Variants in KCNN2 observed in about 807,000 individuals in gnomAD.
KCNN2 encodes the protein small conductance calcium-activated potassium channel protein 2.
A neutral mutation model predicts 55.5 loss-of-function variants in KCNN2; 24 were observed. That is an observed-to-expected ratio of 0.43 (90% CI 0.31 to 0.61). The LOEUF is 0.61. KCNN2 is among the 20% of genes least tolerant of loss of function. The probability of loss-of-function intolerance (pLI) is 0.08; values close to 1 mark genes in which losing one functional copy is unlikely to be tolerated. For synonymous variants in KCNN2, 431 were observed against 336.1 expected, an observed-to-expected ratio of 1.28 and a Z score of -3.09; for missense variants, 754 against 853.6, an observed-to-expected ratio of 0.88 and a Z score of 1.45.
rs574360821 is a variant in KCNN2, at chr5:114,181,803, G to A, written c.-270-39677G>A. Among the ~76,000 whole-genome samples the A allele has an allele frequency of 2.6e-5, 4 of 152,192 alleles. No individual in the cohort carries two copies. The South Asian group carries it at 8.3e-4, about 32-fold the overall frequency. On this transcript the variant is annotated intron_variant, in intron 1 of 10. Transcript: ENST00000512097. Reference sequence around the variant, plus strand: ...AGGCTGAGGTGGGCAGATCACCTGAGGTCAGGAGTTCGAGACCAGCCTGGC... The same window carrying A: ...AGGCTGAGGTGGGCAGATCACCTGAAGTCAGGAGTTCGAGACCAGCCTGGC...
At chr5:114,146,289 C>G (rs1752396631) in intron 1 of KCNN2, among the ~76,000 whole-genome samples, 1 of 152,062 alleles carries the variant, frequency 6.6e-6, no homozygotes, top group African/African-American at 2.4e-5. Flanking sequence ...CTCCTTATCC[C>G]CCTCTTTTGT....
chr5:114,238,637 A>G (rs899540505), intron 2 of KCNN2, among the ~76,000 whole-genome samples: 3 of 152,116 alleles, frequency 2.0e-5, no homozygotes, highest in African/African-American at 7.2e-5. Context: ...AAAAAAAAAA[A>G]AAAGGATTAT....
chr5:114,328,273 A>G (rs1321499013), intron 2 of KCNN2, among the ~76,000 whole-genome samples: 2 of 152,118 alleles, frequency 1.3e-5, no homozygotes, highest in African/African-American at 4.8e-5. Context: ...ACCCTAGGTC[A>G]TGCTAGGTGG....
intron 1 of KCNN2, among the ~76,000 whole-genome samples, chr5:114,208,889 T>C (rs933306929): frequency 2.0e-5 from 3 of 152,174 alleles, no homozygotes; most frequent in Non-Finnish European, 4.4e-5. Flanking sequence ...TCAACTACTA[T>C]GTTCTCTCTC....
chr5:114,340,689 T>C (rs1438174555), intron 2 of KCNN2, among the ~76,000 whole-genome samples: 1 of 143,668 alleles, frequency 7.0e-6, no homozygotes, highest in East Asian at 2.3e-4. Flanking sequence ...TGTGTGTGTG[T>C]GTGATGGGAG....
At chr5:114,154,523 G>C (rs2112521843) in intron 1 of KCNN2, among the ~76,000 whole-genome samples, 1 of 152,206 alleles carries the variant, frequency 6.6e-6, no homozygotes, top group Middle Eastern at 3.4e-3. Flanking sequence ...GTAGCATACT[G>C]CAAGTACCTC....
intron 1 of KCNN2, among the ~76,000 whole-genome samples, chr5:114,135,260 A>C (rs1752152236): frequency 6.6e-6 from 1 of 152,184 alleles, no homozygotes; most frequent in Non-Finnish European, 1.5e-5. Flanking sequence ...ATTGGACGCA[A>C]GGCTCTTAAG....
chr5:114,256,609 T>C (rs1754988036), intron 2 of KCNN2, among the ~76,000 whole-genome samples: 1 of 152,182 alleles, frequency 6.6e-6, no homozygotes. Context: ...TTTCATTGCA[T>C]TTCTGTAAGG....
intron 1 of KCNN2, among the ~76,000 whole-genome samples, chr5:114,198,068 C>A (rs1041682421): frequency 1.3e-5 from 2 of 151,974 alleles, no homozygotes; most frequent in Admixed American, 1.3e-4. Flanking sequence ...GCTCCTCCCC[C>A]CACTTTTTAA....
chr5:114,470,097 C>A (rs763973869), intron 4 of KCNN2, among the ~76,000 whole-genome samples: 3 of 152,230 alleles, frequency 2.0e-5, no homozygotes, highest in African/African-American at 7.2e-5. Flanking sequence ...TTAGATGACA[C>A]CCGGTGAGAA....
At chr5:114,347,781 GTAA>G (rs1757138074) in intron 2 of KCNN2, among the ~76,000 whole-genome samples, 1 of 152,078 alleles carries the variant, frequency 6.6e-6, no homozygotes, top group African/African-American at 2.4e-5. Flanking sequence ...TTAGTTTTTC[GTAA>G]TAATGGGAAA....
At chr5:114,079,231 C>T (rs1364473170) in intron 1 of KCNN2, among the ~76,000 whole-genome samples, 2 of 152,136 alleles carry the variant, frequency 1.3e-5, no homozygotes, top group Admixed American at 6.5e-5. Flanking sequence ...ATGATTTTTG[C>T]AATTCAGACA....
chr5:114,269,494 CT>C (rs67045907), intron 2 of KCNN2, among the ~76,000 whole-genome samples: 88,288 of 144,212 alleles, frequency 0.61, 27,402 homozygotes, highest in Non-Finnish European at 0.67. Context: ...TGGTTCTCAC[CT>C]TTTTTTTTTT....
chr5:114,426,633 T>C (rs1580820591), intron 3 of KCNN2, among the ~76,000 whole-genome samples: 1 of 152,340 alleles, frequency 6.6e-6, no homozygotes, highest in East Asian at 1.9e-4. Context: ...AAATTTATGC[T>C]GAATATGAAT....
At chr5:114,082,454 A>G (rs778065880) in intron 1 of KCNN2, among the ~76,000 whole-genome samples, 2 of 152,238 alleles carry the variant, frequency 1.3e-5, no homozygotes, top group African/African-American at 2.4e-5. Context: ...GTTGACATAG[A>G]TGTTGAGAAA....
intron 1 of KCNN2, among the ~76,000 whole-genome samples, chr5:114,156,140 A>G (rs772940330): frequency 6.6e-6 from 1 of 152,118 alleles, no homozygotes; most frequent in Non-Finnish European, 1.5e-5. Flanking sequence ...TGAATAGGGA[A>G]TCTTTTGCCA....
intron 2 of KCNN2, among the ~76,000 whole-genome samples, chr5:114,248,304 T>G (rs1754787196): frequency 6.6e-6 from 1 of 152,176 alleles, no homozygotes; most frequent in South Asian, 2.1e-4. Context: ...ATGGTACCTA[T>G]AGTACATCTT....
intron 2 of KCNN2, among the ~76,000 whole-genome samples, chr5:114,402,081 G>A (rs903666937): frequency 2.0e-5 from 3 of 152,170 alleles, no homozygotes; most frequent in African/African-American, 4.8e-5. Flanking sequence ...GGTTAATATT[G>A]TGGGGACACA....
At chr5:114,260,365 A>AT (rs1348683738) in intron 2 of KCNN2, among the ~76,000 whole-genome samples, 48 of 152,274 alleles carry the variant, frequency 3.2e-4, no homozygotes, top group African/African-American at 1.2e-3. Flanking sequence ...TCTATACCTC[A>AT]GCCTCATTGT....
Sources: gnomAD v4.1 joint callset for allele counts (sites outside exome capture counted in the v4.1 genomes callset) on GRCh38, gnomAD v4.1.1 for gene constraint, MANE v1.5 for transcripts, NCBI Gene and HGNC (gene_info 2026-07-23, HGNC 2026-07-21) for gene names.